Variants in MTMR7 observed in about 807,000 individuals in gnomAD.
The protein encoded by MTMR7 is phosphatidylinositol-3-phosphate phosphatase MTMR7.
A neutral mutation model predicts 81.2 loss-of-function variants in MTMR7; 76 were observed. The ratio of observed to expected loss-of-function variants is 0.94; its 90% CI spans 0.78 to 1.13. The LOEUF (loss-of-function observed/expected upper bound fraction) is 1.13, where lower values mean the gene tolerates loss of function less well. Ranked by LOEUF, MTMR7 falls within the 50% of genes most tolerant of loss-of-function variation. The probability of loss-of-function intolerance (pLI) is 0.00; values close to 1 mark genes in which losing one functional copy is unlikely to be tolerated. For missense variants in MTMR7, 1,044 were observed against 820.0 expected (o/e 1.27, Z -3.34); for synonymous variants, 372 against 289.8 (o/e 1.28, Z -2.88).
At chr8:17,405,832 CTA>C (rs1195179742) in intron 1 of MTMR7, among the ~76,000 whole-genome samples, 11 of 92,666 alleles carry the variant, frequency 1.2e-4, no homozygotes, top group South Asian at 1.0e-3. Flanking sequence ...TTCCCCAAAA[CTA>C]TACACACACA....
At chr8:17,328,577 G>A (rs1818820990) in intron 7 of MTMR7, among the ~76,000 whole-genome samples, 1 of 152,008 alleles carries the variant, frequency 6.6e-6, no homozygotes, top group Non-Finnish European at 1.5e-5. Context: ...CGGGGGTGGG[G>A]GAGTGGAGGG....
intron 3 of MTMR7, among the ~76,000 whole-genome samples, chr8:17,367,078 C>G (rs1223740766): frequency 6.6e-6 from 1 of 151,970 alleles, no homozygotes; most frequent in Non-Finnish European, 1.5e-5. Flanking sequence ...CTGCTACGCT[C>G]TGATAAAAAA....
chr8:17,307,303 C>T (rs1376248139), intron 10 of MTMR7, among the ~76,000 whole-genome samples: 1 of 152,202 alleles, frequency 6.6e-6, no homozygotes, highest in Non-Finnish European at 1.5e-5. Context: ...CATCACTGGC[C>T]ATCAGAGAAA....
At chr8:17,392,694 A>G (rs543469526) in intron 1 of MTMR7, among the ~76,000 whole-genome samples, 2 of 152,362 alleles carry the variant, frequency 1.3e-5, no homozygotes, top group East Asian at 1.9e-4. Context: ...AATATGCTCC[A>G]AAGTCTGGGT....
intron 4 of MTMR7, among the ~76,000 whole-genome samples, chr8:17,353,852 G>A (rs1334227114): frequency 3.9e-5 from 6 of 152,170 alleles, no homozygotes; most frequent in Non-Finnish European, 2.9e-5. Flanking sequence ...GTCCTGGCAA[G>A]GGGAATCTTT....
At chr8:17,362,527 C>G (rs1456607429) in intron 3 of MTMR7, among the ~76,000 whole-genome samples, 1 of 152,182 alleles carries the variant, frequency 6.6e-6, no homozygotes, top group East Asian at 1.9e-4. Context: ...GGGAGGCACA[C>G]TCCCTCCCTC....
intron 1 of MTMR7, among the ~76,000 whole-genome samples, chr8:17,376,225 T>C (rs1820583203): frequency 6.6e-6 from 1 of 152,232 alleles, no homozygotes; most frequent in Admixed American, 6.5e-5. Flanking sequence ...ATGTTCTCAA[T>C]CTACGTTTCA....
chr8:17,322,143 C>T (rs975378158), intron 7 of MTMR7, among the ~76,000 whole-genome samples: 3 of 152,148 alleles, frequency 2.0e-5, no homozygotes, highest in Non-Finnish European at 4.4e-5. Flanking sequence ...CCTGTTGGCT[C>T]TGTCCTCTTC....
At chr8:17,403,980 T>C (rs977139823) in intron 1 of MTMR7, among the ~76,000 whole-genome samples, 1 of 152,186 alleles carries the variant, frequency 6.6e-6, no homozygotes, top group Non-Finnish European at 1.5e-5. Flanking sequence ...GTGGAGTCTT[T>C]AGGTTTTTCC....
intron 7 of MTMR7, among the ~76,000 whole-genome samples, chr8:17,330,780 C>T (rs888274430): frequency 1.3e-5 from 2 of 152,166 alleles, no homozygotes; most frequent in Non-Finnish European, 2.9e-5. Context: ...GTTTTTGAGC[C>T]TGATCTCCAT....
In MTMR7 at chr8:17,398,843, G is replaced by C. The variant is rs944002322; in HGVS notation, c.24+14426C>G. Among the ~76,000 whole-genome samples the C allele has an allele frequency of 5.3e-5, 8 of 152,150 alleles. 1 individual carries two copies. The highest frequency in any genetic ancestry group is 1.9e-4 in the African/African-American group (8 of 41,446). Reference sequence around the variant, plus strand: ...AGGGGATATGAAGTGAAAGTGTAGAGTTTTTATTAGTTTTCCTTTTGCACG... The same window carrying C: ...AGGGGATATGAAGTGAAAGTGTAGACTTTTTATTAGTTTTCCTTTTGCACG... On this transcript the variant is annotated intron_variant, in intron 1 of 13. Transcript: ENST00000180173.
chr8:17,300,526 A>G (rs1382762654), intron 13 of MTMR7, among the ~76,000 whole-genome samples: 1 of 152,218 alleles, frequency 6.6e-6, no homozygotes, highest in African/African-American at 2.4e-5. Flanking sequence ...ACATGGTTTC[A>G]AATGATGAGT....
chr8:17,390,227 G>A (rs930411920), intron 1 of MTMR7, among the ~76,000 whole-genome samples: 1 of 152,080 alleles, frequency 6.6e-6, no homozygotes, highest in Admixed American at 6.6e-5. Flanking sequence ...TGCTTCTGGG[G>A]AGGCCTCAGG....
chr8:17,300,073 G>A lies in MTMR7; in HGVS notation c.1772C>T (p.Ser591Phe), dbSNP rs773767458. 6.2e-7 allele frequency: 1 copy of A among 1,614,140 alleles called. No homozygotes were observed. The highest frequency in any genetic ancestry group is 1.1e-5 in the South Asian group (1 of 91,084). ...DYSGNMKSFP[S>F]RSPSQGDEDS... Reference sequence around the variant, plus strand: ...TTCATCGCCTTGTGAAGGGCTCCGGGATGGAAATGATTTCATATTCCCACT... The same window carrying A: ...TTCATCGCCTTGTGAAGGGCTCCGGAATGGAAATGATTTCATATTCCCACT... Residue 591 changes from serine to phenylalanine, a missense_variant, in exon 14 of 14, where the codon TCC (serine) becomes TTC (phenylalanine). Physicochemically the swap from Ser to Phe is radical, Grantham distance 155. Transcript: ENST00000180173.
chr8:17,313,914 A>C (rs1039214292), intron 7 of MTMR7, among the ~76,000 whole-genome samples: 1 of 152,202 alleles, frequency 6.6e-6, no homozygotes, highest in African/African-American at 2.4e-5. Flanking sequence ...CCTCTTGCCA[A>C]TAACCCCCAC....
chr8:17,361,389 C>G, intron 3 of MTMR7, 115 bp from the exon 4 acceptor site: 2 of 1,070,158 alleles, frequency 1.9e-6, no homozygotes, highest in Non-Finnish European at 2.8e-6. Context: ...CAACCCCCAC[C>G]CCCAGCACAC....
At chr8:17,402,987 C>G (rs1217626759) in intron 1 of MTMR7, among the ~76,000 whole-genome samples, 2 of 152,202 alleles carry the variant, frequency 1.3e-5, no homozygotes, top group Admixed American at 6.5e-5. Flanking sequence ...TTTCACTTCT[C>G]TGATGGTTCC....
chr8:17,357,905 TC>T (rs1819944357), intron 4 of MTMR7, among the ~76,000 whole-genome samples: 1 of 151,698 alleles, frequency 6.6e-6, no homozygotes, highest in East Asian at 1.9e-4. Flanking sequence ...TAACTTTTTT[TC>T]TTTTTTTCCT....
chr8:17,331,305 A>G (rs1466965908), intron 6 of MTMR7, 23 bp from the exon 7 acceptor site: 8 of 1,566,388 alleles, frequency 5.1e-6, no homozygotes, highest in Non-Finnish European at 6.9e-6. Flanking sequence ...GCAAAACAGA[A>G]CAGTCATCAA....
Sources: allele counts gnomAD v4.1 joint callset (sites outside exome capture counted in the v4.1 genomes callset), GRCh38; gene constraint gnomAD v4.1.1; transcripts MANE v1.5; gene names NCBI Gene and HGNC (gene_info 2026-07-23, HGNC 2026-07-21).